VILL: variants seen among roughly 807,000 people sequenced by gnomAD.
The protein encoded by VILL is villin-like protein.
A neutral mutation model predicts 106.3 loss-of-function variants in VILL; 102 were observed. That is an observed-to-expected ratio of 0.96 (90% CI 0.82 to 1.13). The LOEUF is 1.13. VILL is among the 50% of genes most tolerant of loss of function. The pLI, the probability that VILL is intolerant of heterozygous loss-of-function variation, is 0.00. For missense variants in VILL, 1,076 were observed against 1,116.6 expected (o/e 0.96, Z 0.52); for synonymous variants, 431 against 440.3 (o/e 0.98, Z 0.27).
chr3:38,001,337 T>A (rs1255700627), intron 11 of VILL, 119 bp from the exon 12 acceptor site: 1 of 1,458,982 alleles, frequency 6.9e-7, no homozygotes, highest in Non-Finnish European at 9.3e-7. Context: ...GGTGGGCCCC[T>A]GGCCTGCGTG....
At chr3:37,992,513 A>G (rs1237768065) in intron 1 of VILL, among the ~76,000 whole-genome samples, 1 of 152,054 alleles carries the variant, frequency 6.6e-6, no homozygotes. Context: ...TCATTCAACA[A>G]GTACTTACTG....
chr3:38,000,778 A>G (rs1699798690), intron 11 of VILL: 3 of 423,818 alleles, frequency 7.1e-6, no homozygotes, highest in Admixed American at 5.0e-5. Context: ...TCGGCTCCCC[A>G]GGGACAACTG....
Position 37,998,225 on chromosome 3 carries a change from AGTCTGGACCACCTAC to A in VILL, c.844-40_844-26del. On this transcript the variant is annotated intron_variant, in intron 8 of 19. Coordinates refer to ENST00000383759, the MANE Select transcript of VILL (RefSeq NM_015873.4). This position sits in a 1 kb window ranked among gnomAD's most constrained non-coding sequence, Gnocchi z 4.1. ...CCTTCCCCATCCACAACCCCAGCCC[AGTCTGGACCACCTAC>A]TGACCAGCCCCACCCTTGCTCCCAG... 1 of 1,613,780 alleles carries A rather than the reference AGTCTGGACCACCTAC, an allele frequency of 6.2e-7. No individual in the cohort carries two copies. Among genetic ancestry groups the A allele is most frequent in the African/African-American group, 1.3e-5 (1 of 75,044 alleles).
chr3:37,994,494 G>C, intron 4 of VILL, 28 bp downstream of exon 4: 1 of 1,599,806 alleles, frequency 6.3e-7, no homozygotes, highest in Non-Finnish European at 8.5e-7. Context: ...CGGGGCAGGA[G>C]GGAGCCGTGG....
In VILL at chr3:38,003,555, C is replaced by T. The variant is rs1699860174; in HGVS notation, c.1805+242C>T. On this transcript the variant is annotated intron_variant, in intron 15 of 19. Transcript: ENST00000383759. ...AGTGGCGACCTCTGCTGGCAGCATC[C>T]CCTCCCTGCATTGTCCTGGTCCTGG... The T allele has an allele frequency of 1.1e-5, 6 of 522,434 alleles. No homozygotes were observed. In the Admixed American group the frequency reaches 1.7e-4, roughly 14 times the overall value. 32.4% of individuals were successfully genotyped at this position (522,434 alleles called of 1,614,324 possible). A position where few individuals can be genotyped will look rare whatever the true frequency, so the allele number is the denominator to read the frequency against.
intron 1 of VILL, 178 bp from the exon 2 acceptor site, chr3:37,993,409 G>C (rs1351534780): frequency 2.0e-6 from 1 of 505,860 alleles, no homozygotes; most frequent in African/African-American, 1.9e-5. Context: ...GGCAGAGCAA[G>C]ACCCTGTCTC....
Position 37,998,452 on chromosome 3 carries a change from GAATCA to G in VILL, c.942+89_942+93del. ...AGCTCCGCCCCAGGGTCTAAGGGAG[GAATCA>G]GCCCTCCCCTAGAGTTTGAGTTGGG... is the stretch of plus-strand genomic sequence containing the variant. On this transcript the variant is annotated intron_variant, in intron 9 of 19. Coordinates refer to ENST00000383759, the MANE Select transcript of VILL (RefSeq NM_015873.4). This position sits in a 1 kb window ranked among gnomAD's most constrained non-coding sequence, Gnocchi z 4.1. The G allele has an allele frequency of 8.3e-7, 1 of 1,204,214 alleles. No individual in the cohort carries two copies. Among genetic ancestry groups the G allele is most frequent in the Non-Finnish European group, 1.2e-6 (1 of 828,706 alleles). The allele number at this position is 1,204,214 out of a possible 1,614,324, so 74.6% of individuals were successfully genotyped here. A position where few individuals can be genotyped will look rare whatever the true frequency, so the allele number is the denominator to read the frequency against.
At chr3:38,000,809 G>A (rs563778243) in intron 11 of VILL, 112 of 450,408 alleles carry the variant, frequency 2.5e-4, no homozygotes, top group African/African-American at 1.9e-3. Flanking sequence ...TGTGGGAAAG[G>A]ACACCCAGGC....
chr3:37,994,136 C>A, intron 3 of VILL, 125 bp from the exon 4 acceptor site: 2 of 1,404,502 alleles, frequency 1.4e-6, no homozygotes, highest in Non-Finnish European at 2.0e-6. Flanking sequence ...TCCTTCCCTC[C>A]CACTTCCTGA....
Position 37,998,056 on chromosome 3 carries a change from T to C in VILL, c.765-34T>C. 1 of 1,565,970 alleles carries C rather than the reference T, an allele frequency of 6.4e-7. No individual in the cohort carries two copies. The highest frequency in any genetic ancestry group is 8.7e-7 in the Non-Finnish European group (1 of 1,152,312). ...GAGTGGAGACAGATCAGGGAGGGGC[T>C]GGGCTGGCCACTCCTGGGTTCCTGT... On this transcript the variant is annotated intron_variant, in intron 7 of 19. Transcript: ENST00000383759. The surrounding 1 kb of genome is among the most constrained non-coding windows in gnomAD (Gnocchi z 4.1).
In VILL at chr3:37,996,042, T is replaced by A. The variant is rs528977809; in HGVS notation, c.450+195T>A. On this transcript the variant is annotated intron_variant, in intron 5 of 19. Coordinates refer to ENST00000383759, the MANE Select transcript of VILL (RefSeq NM_015873.4). ...TTCTGCCACTGCTCCCCGGACCTTT[T>A]GTTTATGCGTCTATCTCAGGGACAT... 2.0e-5 allele frequency among the ~76,000 whole-genome samples: 3 copies of A among 152,292 alleles called. No individual in the cohort carries two copies. In the South Asian group the frequency reaches 6.2e-4, roughly 32 times the overall value.
At position 38,006,689 on chromosome 3, in the gene VILL, G is replaced by A; in HGVS notation, c.2446G>A (p.Ala816Thr). 6.2e-7 allele frequency: 1 copy of A among 1,604,226 alleles called. No individual in the cohort carries two copies. Residue 816 changes from alanine to threonine, a missense_variant, in exon 19 of 20, where the codon GCC becomes ACC. Coordinates refer to ENST00000383759, the MANE Select transcript of VILL (RefSeq NM_015873.4). The stretch of plus-strand genomic sequence containing the variant: ...GGACCTGCCAGAGGGCGTGGACCCT[G>A]CCCGCAGGGAGGTGGGCACCCCCTC... ...VEDLPEGVDP[A>T]RREFYLSDSD...
In VILL at chr3:37,997,903, T is replaced by A. The variant is rs1559656649; in HGVS notation, c.765-187T>A. ...TACATACAGGGGGACTGTGGCGCCCTGCCAGGGCCAGGGAGCTGCCTAAAG... is the reference window on the plus strand; with the variant it reads ...TACATACAGGGGGACTGTGGCGCCCAGCCAGGGCCAGGGAGCTGCCTAAAG... On this transcript the variant is annotated intron_variant, in intron 7 of 19. Transcript: ENST00000383759. This position sits in a 1 kb window ranked among gnomAD's most constrained non-coding sequence, Gnocchi z 4.7. 6.6e-6 allele frequency among the ~76,000 whole-genome samples: 1 copy of A among 152,180 alleles called. No individual in the cohort carries two copies. Among genetic ancestry groups the A allele is most frequent in the East Asian group, 1.9e-4 (1 of 5,182 alleles).
At chr3:37,994,552 C>A in intron 4 of VILL, 86 bp downstream of exon 4, 11 of 1,497,936 alleles carry the variant, frequency 7.3e-6, no homozygotes, top group Non-Finnish European at 9.9e-6. Flanking sequence ...TCGTCCACAT[C>A]CCTGAATGGG....
Position 38,007,063 on chromosome 3 carries a change from C to A in VILL, c.*8C>A, listed in dbSNP as rs753776853. ...CAGCTGGGCTTCTTCTGAACCCAAG[C>A]CCTCTCGACTGCCCCTATCCCCTGG... is the stretch of plus-strand genomic sequence containing the variant. On this transcript the variant is annotated 3_prime_UTR_variant, in exon 20 of 20. Transcript: ENST00000383759. 14 of 1,611,048 alleles carry A rather than the reference C, an allele frequency of 8.7e-6. No homozygotes were observed. The highest frequency in any genetic ancestry group is 1.2e-5 in the Non-Finnish European group (14 of 1,177,370).
chr3:37,995,873 A>T, intron 5 of VILL, 26 bp downstream of exon 5: 1 of 1,599,414 alleles, frequency 6.3e-7, no homozygotes. Context: ...GAGCCTCTTG[A>T]CCTCTGAACT....
chr3:38,001,492 G>A lies in VILL; in HGVS notation c.1219G>A (p.Asp407Asn), dbSNP rs752189053. 2 of 1,614,218 alleles carry A rather than the reference G, an allele frequency of 1.2e-6. No homozygotes were observed. The highest frequency in any genetic ancestry group is 1.7e-6 in the Non-Finnish European group (2 of 1,180,014). Residue 407 changes from aspartate to asparagine, a missense_variant, in exon 12 of 20, where the codon GAC becomes AAC. Physicochemically the swap from Asp to Asn is conservative, Grantham distance 23 (BLOSUM62 1). Transcript: ENST00000383759. Reference sequence around the variant, plus strand: ...CCAGGACTTACACAGGCAGCCCGTGGACCCCAAGCGTCATGGACAGCTGTG... The same window carrying A: ...CCAGGACTTACACAGGCAGCCCGTGAACCCCAAGCGTCATGGACAGCTGTG... ...CIQDLHRQPV[D>N]PKRHGQLCAG...
At position 37,999,036 on chromosome 3, in the gene VILL, A is replaced by G. The variant is rs1699760320; in HGVS notation, c.1067A>G (p.Lys356Arg). ...TWSEKRRRNQ[K>R]LGGRDKSIHV... ...TCTGAGAAGCGGCGCAGGAACCAGA[A>G]GCTCGGCGGGAGGGGTGAGCGGGCG... The change falls in exon 10 of 20, where the codon AAG (lysine) becomes AGG (arginine). Residue 356 changes from lysine to arginine, a missense_variant. Lys to Arg is a conservative substitution (Grantham distance 26, BLOSUM62 2). Transcript: ENST00000383759. 2.6e-6 allele frequency: 4 copies of G among 1,511,754 alleles called. No homozygotes were observed. Among genetic ancestry groups the G allele is most frequent in the Non-Finnish European group, 3.6e-6 (4 of 1,119,928 alleles). The allele number at this position is 1,511,754 out of a possible 1,614,324, so 93.6% of individuals were successfully genotyped here.
In VILL at chr3:38,004,253, A is replaced by G; in HGVS notation, c.1806-2A>G. 6.2e-7 allele frequency: 1 copy of G among 1,607,682 alleles called. No homozygotes were observed. Among genetic ancestry groups the G allele is most frequent in the Non-Finnish European group, 8.5e-7 (1 of 1,174,992 alleles). ...CACAGCCTTGCTGTCCGTGCTGGCC[A>G]GGCTCCCTGAGGAGGTCCCCAGCTT... is the stretch of plus-strand genomic sequence containing the variant. On this transcript the variant is annotated splice_acceptor_variant, in intron 15 of 19. Transcript: ENST00000383759. LOFTEE classifies it high-confidence loss of function.
Sources: allele counts gnomAD v4.1 joint callset (sites outside exome capture counted in the v4.1 genomes callset), GRCh38; gene constraint gnomAD v4.1.1; non-coding constraint Gnocchi (gnomAD v3.1); transcripts MANE v1.5; gene names NCBI Gene and HGNC (gene_info 2026-07-23, HGNC 2026-07-21).